Variants in USP54 observed in about 807,000 individuals in gnomAD.
USP54 encodes the protein ubiquitin carboxyl-terminal hydrolase 54.
A neutral mutation model predicts 170.5 loss-of-function variants in USP54; 87 were observed. That is an observed-to-expected ratio of 0.51 (90% CI 0.43 to 0.61). USP54 has a LOEUF of 0.61. USP54 is among the 20% of genes least tolerant of loss of function. The pLI, the probability that USP54 is intolerant of heterozygous loss-of-function variation, is 0.00. For synonymous variants in USP54, 655 were observed against 742.8 expected (o/e 0.88, Z 1.92); for missense variants, 1,786 against 2,047.8 (o/e 0.87, Z 2.47).
At chr10:73,536,076 T>C (rs1220023152) in intron 11 of USP54, 193 bp downstream of exon 11, 19 of 686,516 alleles carry the variant, frequency 2.8e-5, no homozygotes, top group Non-Finnish European at 4.2e-5. Context: ...TAGGCAACAC[T>C]GTTTTGACAA....
chr10:73,561,044 GC>G (rs1418937572), intron 4 of USP54, among the ~76,000 whole-genome samples: 2 of 146,116 alleles, frequency 1.4e-5, no homozygotes, highest in Non-Finnish European at 3.0e-5. Flanking sequence ...GGCAGAGGTT[GC>G]AGTGAGCCGA....
chr10:73,618,168 G>C (rs911872099), intron 1 of USP54, among the ~76,000 whole-genome samples: 1 of 148,712 alleles, frequency 6.7e-6, no homozygotes, highest in Non-Finnish European at 1.5e-5. Flanking sequence ...CCGAGATTGC[G>C]CCACTGCACT....
At chr10:73,574,396 C>T (rs971583958) in intron 3 of USP54, among the ~76,000 whole-genome samples, 33 of 152,212 alleles carry the variant, frequency 2.2e-4, no homozygotes, top group African/African-American at 7.0e-4. Context: ...TATTAAGAGA[C>T]GAGATTAACA....
chr10:73,532,048 A>T (rs1469837982), intron 12 of USP54, among the ~76,000 whole-genome samples: 1 of 152,218 alleles, frequency 6.6e-6, no homozygotes, highest in Non-Finnish European at 1.5e-5. Flanking sequence ...TCACCAGTGT[A>T]GTGATATGGA....
intron 1 of USP54, among the ~76,000 whole-genome samples, chr10:73,597,524 T>C (rs901638620): frequency 2.0e-5 from 3 of 152,152 alleles, no homozygotes; most frequent in Non-Finnish European, 4.4e-5. Context: ...AGGACAGCTT[T>C]GACTCCCTGT....
chr10:73,620,370 A>G (rs969016455), intron 1 of USP54, among the ~76,000 whole-genome samples: 5 of 149,970 alleles, frequency 3.3e-5, no homozygotes, highest in Admixed American at 6.6e-5. Context: ...TTTCCTCAAT[A>G]TAAAATGAAT....
rs146358249 is a variant in USP54, at chr10:73,611,713, C to G, written c.-18+13854G>C. ...TCAGGAGGCTGAGGCAGGAGAATCG[C>G]TTGAACCTGGGAGGCGGAGGTTGCA... On this transcript the variant is annotated intron_variant, in intron 1 of 22. Coordinates refer to the USP54 transcript ENST00000339859. 1.0e-2 allele frequency: 1,521 copies of G among 152,198 alleles called. 18 individuals carry two copies. The highest frequency in any genetic ancestry group is 0.031 in the South Asian group (147 of 4,806). The allele number at this position is 152,198 out of a possible 1,614,324, so 9.4% of individuals were successfully genotyped here.
At chr10:73,624,250 T>C (rs2081336892) in intron 1 of USP54, among the ~76,000 whole-genome samples, 1 of 141,204 alleles carries the variant, frequency 7.1e-6, no homozygotes, top group South Asian at 2.2e-4. Context: ...CAGACTGGAG[T>C]GCAATGGTGC....
intron 1 of USP54, among the ~76,000 whole-genome samples, chr10:73,578,234 A>G (rs2076376998): frequency 6.6e-6 from 1 of 152,252 alleles, no homozygotes; most frequent in Non-Finnish European, 1.5e-5. Flanking sequence ...CAAGAGAGGC[A>G]GTAACAAGTG....
rs1400737324 is a variant in USP54 at position 73,497,900 on chromosome 10, G to A, written c.*729C>T. ...GGGAAGACAAAGGGTCAGGTAATAGGGATAGGTGGATAAAACAAAGAGTAG... is the reference window on the plus strand; with the variant it reads ...GGGAAGACAAAGGGTCAGGTAATAGAGATAGGTGGATAAAACAAAGAGTAG... On this transcript the variant is annotated 3_prime_UTR_variant, in exon 24 of 24. Transcript: ENST00000687698. 1 of 152,278 alleles carries A rather than the reference G, an allele frequency of 6.6e-6. No homozygotes were observed. Among genetic ancestry groups the A allele is most frequent in the Non-Finnish European group, 1.5e-5 (1 of 68,084 alleles). 9.4% of individuals were successfully genotyped at this position (152,278 alleles called of 1,614,324 possible). A position where few individuals can be genotyped will look rare whatever the true frequency, so the allele number is the denominator to read the frequency against.
At chr10:73,546,762 G>C (rs1164381054) in intron 4 of USP54, 1 of 151,960 alleles carries the variant, frequency 6.6e-6, no homozygotes, top group Admixed American at 6.6e-5. Flanking sequence ...CCTTTTCTCT[G>C]CTGTATAGCA....
chr10:73,580,113 C>G lies in USP54; in HGVS notation c.-581-3752G>C, dbSNP rs181436406. Among the ~76,000 whole-genome samples the G allele has an allele frequency of 3.5e-3, 529 of 152,062 alleles. 1 individual carries two copies. The highest frequency in any genetic ancestry group is 0.012 in the African/African-American group (505 of 41,482). Reference sequence around the variant, plus strand: ...CTGAGGCGGGTGGATCACCTTGGATCAGGAGTTCAAGACCAGCCTGGCCAA... The same window carrying G: ...CTGAGGCGGGTGGATCACCTTGGATGAGGAGTTCAAGACCAGCCTGGCCAA... On this transcript the variant is annotated intron_variant, in intron 1 of 23. Transcript: ENST00000687698.
chr10:73,537,567 C>T (rs534960612), intron 10 of USP54, among the ~76,000 whole-genome samples: 4 of 151,918 alleles, frequency 2.6e-5, no homozygotes, highest in Admixed American at 2.0e-4. Flanking sequence ...TATAACTATC[C>T]CAAAACACAT....
At chr10:73,537,387 T>G (rs2065452534) in intron 10 of USP54, among the ~76,000 whole-genome samples, 1 of 152,196 alleles carries the variant, frequency 6.6e-6, no homozygotes, top group Non-Finnish European at 1.5e-5. Context: ...AGACACTGCT[T>G]AAAGTCTGTG....
At chr10:73,508,403 GAA>G (rs1243094191) in intron 20 of USP54, among the ~76,000 whole-genome samples, 12 of 74,920 alleles carry the variant, frequency 1.6e-4, no homozygotes, top group African/African-American at 2.5e-4. Flanking sequence ...TGAGAATCCA[GAA>G]AAAAAAAAAA....
chr10:73,610,566 G>A (rs1832668), intron 1 of USP54, among the ~76,000 whole-genome samples: 5,076 of 152,114 alleles, frequency 0.033, 217 homozygotes, highest in East Asian at 0.22. Context: ...AGAGGTTGCA[G>A]TGAGCCGAGT....
intron 17 of USP54, among the ~76,000 whole-genome samples, chr10:73,521,683 T>C (rs1324504244): frequency 6.6e-6 from 1 of 152,220 alleles, no homozygotes; most frequent in African/African-American, 2.4e-5. Context: ...GGTTTGCATA[T>C]ACATACTTGT....
intron 20 of USP54, among the ~76,000 whole-genome samples, chr10:73,511,575 G>A (rs895687436): frequency 4.6e-5 from 7 of 151,246 alleles, no homozygotes; most frequent in Admixed American, 3.3e-4. Flanking sequence ...CACGAGAATC[G>A]CTTGAACCTG....
rs756018910 is a variant in USP54 at position 73,498,681 on chromosome 10, G to T, written c.5003C>A (p.Ala1668Asp). The T allele has an allele frequency of 6.3e-7, 1 of 1,599,310 alleles. No individual in the cohort carries two copies. The highest frequency in any genetic ancestry group is 1.3e-5 in the African/African-American group (1 of 74,496). The change falls in exon 24 of 24, where the codon GCT (alanine) becomes GAT (aspartate). Residue 1668 changes from alanine (A) to aspartate (D), a missense_variant. By Grantham distance (126) the Ala-to-Asp change is moderately radical (BLOSUM62 -2). Around this residue, in one of 3 missense-constraint regions of USP54, gnomAD observed 1,418 missense variants for 1,569.0 expected, o/e 0.90. Transcript: ENST00000687698. The part of the protein sequence containing the change: ...GEGFLFVLSD[A>D]PRREQIRARV... ...AGCCCTGATCTGCTCTCTTCTGGGA[G>T]CATCTGATAGAACAAACAGAAACCC...
Sources: allele counts gnomAD v4.1 joint callset (sites outside exome capture counted in the v4.1 genomes callset), GRCh38; gene constraint gnomAD v4.1.1; regional missense constraint gnomAD v4.1.1; transcripts MANE v1.5; gene names NCBI Gene and HGNC (gene_info 2026-07-23, HGNC 2026-07-21).